NLRP2: variants seen among roughly 807,000 people sequenced by gnomAD.
The protein encoded by NLRP2 is NLR family pyrin domain containing 2.
NLRP2 carries 107 observed loss-of-function variants against 97.2 expected under a neutral mutation model. The observed-to-expected ratio is 1.10, with a 90% CI of 0.94 to 1.29. The LOEUF (loss-of-function observed/expected upper bound fraction) is 1.29. Among genes scored for constraint, NLRP2 ranks in the 50% most tolerant of loss-of-function variants. NLRP2 has a pLI of 0.00. For synonymous variants in NLRP2, 663 were observed against 551.5 expected (o/e 1.20, Z -2.83); for missense variants, 1,495 against 1,330.3 (o/e 1.12, Z -1.93).
At chr19:54,981,508 T>TTCCCCCCC in intron 4 of NLRP2, 109 bp from the exon 5 acceptor site, 12 of 438,150 alleles carry the variant, frequency 2.7e-5, no homozygotes, top group South Asian at 1.1e-4. Context: ...TCTGATCCCG[T>TTCCCCCCC]GCCCCCCCTC....
intron 1 of NLRP2, among the ~76,000 whole-genome samples, chr19:54,968,859 G>A (rs1000947490): frequency 8.6e-5 from 13 of 151,730 alleles, no homozygotes; most frequent in African/African-American, 2.7e-4. Flanking sequence ...CTGCCACCAC[G>A]CCCGGCTAAT....
intron 12 of NLRP2, 102 bp downstream of exon 12, chr19:54,997,589 AT>A: frequency 8.0e-7 from 1 of 1,242,594 alleles, no homozygotes; most frequent in Non-Finnish European, 1.2e-6. Context: ...TGGTAGCTGG[AT>A]TACAGGTTCC....
At chr19:54,994,215 A>G in intron 10 of NLRP2, 54 bp from the exon 11 acceptor site, 1 of 1,590,652 alleles carries the variant, frequency 6.3e-7, no homozygotes, top group Non-Finnish European at 8.6e-7. Flanking sequence ...GGTGCATCAC[A>G]GCAGTGAGAA....
chr19:54,965,460 T>C, upstream of NLRP2: 1 of 99,628 alleles, frequency 1.0e-5, no homozygotes, highest in Admixed American at 9.6e-5. Context: ...TTTTATTTCA[T>C]ATATTTTTTT....
chr19:54,999,663 A>T (rs116959900), intron 12 of NLRP2, among the ~76,000 whole-genome samples: 6,439 of 152,280 alleles, frequency 0.042, 206 homozygotes, highest in Middle Eastern at 0.1. Context: ...TCAGATCAAC[A>T]TGGTTGAGAA....
Position 54,985,717 on chromosome 19 carries a change from C to T in NLRP2, c.2202-434C>T, listed in dbSNP as rs375333095. The stretch of plus-strand genomic sequence containing the variant: ...AAAAAAAGAAAAAGAAAAAAAGGGC[C>T]GGGCACAATGGCTCACGCCTGTAGT... On this transcript the variant is annotated intron_variant, in intron 7 of 12. Coordinates refer to ENST00000448584, the MANE Select transcript of NLRP2 (RefSeq NM_017852.5). Among the ~76,000 whole-genome samples, 159 of 149,900 alleles carry T rather than the reference C, an allele frequency of 1.1e-3. 2 individuals carry two copies. The highest frequency in any genetic ancestry group is 3.7e-3 in the African/African-American group (149 of 40,674).
rs1161338903 is a variant in NLRP2 at position 54,995,000 on chromosome 19, C to A, written c.2879+561C>A. On this transcript the variant is annotated intron_variant, in intron 11 of 12. Coordinates refer to ENST00000448584, the MANE Select transcript of NLRP2 (RefSeq NM_017852.5). ...AAGCCATTCAGCCAAAAGCCACTGC[C>A]CAGCACCCCACATTCAGAGAGGTGG... Among the ~76,000 whole-genome samples the A allele has an allele frequency of 2.6e-5, 4 of 151,610 alleles. No homozygotes were observed. The East Asian group carries it at 7.9e-4, about 30-fold the overall frequency.
In NLRP2 at chr19:54,982,533, C is replaced by G. The variant is rs750419261; in HGVS notation, c.835C>G (p.Gln279Glu). 1.2e-6 allele frequency: 2 copies of G among 1,614,094 alleles called. No individual in the cohort carries two copies. The highest frequency in any genetic ancestry group is 1.7e-5 in the Admixed American group (1 of 59,996). Residue 279 changes from glutamine to glutamate, a missense_variant, in exon 6 of 13, where the codon CAA becomes GAA. Coordinates refer to ENST00000448584, the MANE Select transcript of NLRP2 (RefSeq NM_017852.5). The stretch of plus-strand genomic sequence containing the variant: ...GGATGACATTCCACACATCCTAGCC[C>G]AAGCACGGAAAATCTTGTTCGTGAT... ...LQDDIPHILAQARKILFVIDG... is the reference protein window; with the variant it reads ...LQDDIPHILAEARKILFVIDG...
intron 3 of NLRP2, chr19:54,976,975 C>T (rs935479418): frequency 2.4e-5 from 7 of 295,382 alleles, no homozygotes; most frequent in Non-Finnish European, 3.0e-5. Context: ...CACCACCATG[C>T]CCGGCTAATT....
At position 54,997,437 on chromosome 19, in the gene NLRP2, G is replaced by A; in HGVS notation, c.3000G>A (p.Lys1000=). The change falls in exon 12 of 13, where the codon AAG becomes AAA. Residue 1000 remains lysine (K), a synonymous_variant. Coordinates refer to ENST00000448584, the MANE Select transcript of NLRP2 (RefSeq NM_017852.5). ...ATCCCTTGGGGTCTAGTGGAGTGAA[G>A]ATGCTGTTTGAAACCTTGACATGTT... ...GQNPLGSSGV[K]MLFETLTCSS... is the part of the protein sequence containing the mutation. 4.3e-6 allele frequency: 7 copies of A among 1,614,218 alleles called. No individual in the cohort carries two copies. Among genetic ancestry groups the A allele is most frequent in the Non-Finnish European group, 5.9e-6 (7 of 1,180,040 alleles).
At position 54,983,033 on chromosome 19, in the gene NLRP2, C is replaced by T. The variant is rs577932518; in HGVS notation, c.1335C>T (p.Gly445=). 84 of 1,610,856 alleles carry T rather than the reference C, an allele frequency of 5.2e-5. No individual in the cohort carries two copies. Among genetic ancestry groups the T allele is most frequent in the South Asian group, 1.5e-4 (14 of 90,908 alleles). ...SRFPQGAQLR[G]ALRTLSLLAA... Reference sequence around the variant, plus strand: ...TCCCGCAGGGCGCACAGCTGCGGGGCGCGCTGCGGACGCTGAGCCTCCTGG... The same window carrying T: ...TCCCGCAGGGCGCACAGCTGCGGGGTGCGCTGCGGACGCTGAGCCTCCTGG... Residue 445 remains glycine (G), a synonymous_variant, in exon 6 of 13, where the codon GGC becomes GGT. Coordinates refer to ENST00000448584, the MANE Select transcript of NLRP2 (RefSeq NM_017852.5).
At chr19:54,978,181 A>C (rs1219373348) in intron 4 of NLRP2, among the ~76,000 whole-genome samples, 7 of 151,116 alleles carry the variant, frequency 4.6e-5, no homozygotes, top group African/African-American at 1.5e-4. Flanking sequence ...GATTCTCCTG[A>C]CTCAGCCTCC....
intron 12 of NLRP2, among the ~76,000 whole-genome samples, chr19:54,998,445 A>T (rs1459587834): frequency 6.6e-6 from 1 of 152,166 alleles, no homozygotes; most frequent in Non-Finnish European, 1.5e-5. Context: ...TGTAGAAGAA[A>T]CATAGATTAC....
At chr19:54,994,073 C>A in intron 10 of NLRP2, 196 bp from the exon 11 acceptor site, 1 of 664,276 alleles carries the variant, frequency 1.5e-6, no homozygotes, top group Non-Finnish European at 2.7e-6. Flanking sequence ...CCCTTTTGCT[C>A]GCAGGTGCCA....
At position 54,982,881 on chromosome 19, in the gene NLRP2, G is replaced by A. The variant is rs2071702013; in HGVS notation, c.1183G>A (p.Gly395Ser). ...MRSNAALFQL[G>S]SAPAVCWIVC... ...GAGCAACGCGGCCCTGTTCCAGCTGGGCTCGGCCCCCGCGGTGTGCTGGAT... is the reference window on the plus strand; with the variant it reads ...GAGCAACGCGGCCCTGTTCCAGCTGAGCTCGGCCCCCGCGGTGTGCTGGAT... The change falls in exon 6 of 13, where the codon GGC (glycine) becomes AGC (serine). Residue 395 changes from glycine (G) to serine (S), a missense_variant. Coordinates refer to ENST00000448584, the MANE Select transcript of NLRP2 (RefSeq NM_017852.5). 1 of 1,613,090 alleles carries A rather than the reference G, an allele frequency of 6.2e-7. No homozygotes were observed. Among genetic ancestry groups the A allele is most frequent in the African/African-American group, 1.3e-5 (1 of 75,036 alleles).
In NLRP2 at chr19:55,000,874, T is replaced by TTCTTCTCATGACTTCATGATCTGAA; in HGVS notation, c.3168_*3dup. 1 of 1,613,516 alleles carries TTCTTCTCATGACTTCATGATCTGAA rather than the reference T, an allele frequency of 6.2e-7. No homozygotes were observed. The highest frequency in any genetic ancestry group is 8.5e-7 in the Non-Finnish European group (1 of 1,179,644). ...AACATCATCCCTGGGCAGAAAGGCC[T>TTCTTCTCATGACTTCATGATCTGAA]TCTTCTCATGACTTCATGATCTGAA... On this transcript the variant is annotated stop_gained and frameshift_variant, in exon 13 of 13. Coordinates refer to ENST00000448584, the MANE Select transcript of NLRP2 (RefSeq NM_017852.5). LOFTEE classifies it high-confidence loss of function.
Position 54,983,573 on chromosome 19 carries a change from C to A in NLRP2, c.1875C>A (p.Phe625Leu), listed in dbSNP as rs1485707548. 6.2e-7 allele frequency: 1 copy of A among 1,614,000 alleles called. No individual in the cohort carries two copies. Among genetic ancestry groups the A allele is most frequent in the African/African-American group, 1.3e-5 (1 of 74,922 alleles). The change falls in exon 6 of 13, where the codon TTC becomes TTA. Residue 625 changes from phenylalanine to leucine, a missense_variant. Physicochemically the swap from Phe to Leu is conservative, Grantham distance 22 (BLOSUM62 0). Transcript: ENST00000448584. ...TGGTGAAGGAGGTGATGGCTCAGTT[C>A]AAAGAAATATCCCTGCACTTAAATG... ...EELVKEVMAQFKEISLHLNAV... is the reference protein window; with the variant it reads ...EELVKEVMAQLKEISLHLNAV...
intron 12 of NLRP2, among the ~76,000 whole-genome samples, chr19:55,000,436 C>T (rs1456812599): frequency 6.6e-6 from 1 of 150,822 alleles, no homozygotes; most frequent in Non-Finnish European, 1.5e-5. Flanking sequence ...GCCACCACGC[C>T]CGGCTAATTT....
chr19:54,981,343 A>G (rs1244353431), intron 4 of NLRP2, among the ~76,000 whole-genome samples: 2 of 151,634 alleles, frequency 1.3e-5, no homozygotes, highest in Admixed American at 6.6e-5. Flanking sequence ...TAATTTTTGC[A>G]TTTTTAGTAG....
Sources: allele counts gnomAD v4.1 joint callset (sites outside exome capture counted in the v4.1 genomes callset), GRCh38; gene constraint gnomAD v4.1.1; transcripts MANE v1.5; gene names NCBI Gene and HGNC (gene_info 2026-07-23, HGNC 2026-07-21).